Variants in MAX observed in about 807,000 individuals in gnomAD.
The protein encoded by MAX is protein max.
In MAX, 3 loss-of-function variants were observed where a neutral mutation model predicts 22.3. The observed-to-expected ratio is 0.13, with a 90% confidence interval of 0.06 to 0.35. MAX has a LOEUF of 0.35. Among genes scored for constraint, MAX ranks in the 10% least tolerant of loss-of-function variants. MAX has a pLI of 1.00. For missense variants in MAX, 119 were observed against 209.4 expected (o/e 0.57, Z 2.66); for synonymous variants, 72 against 77.7 (o/e 0.93, Z 0.39).
downstream of MAX, among the ~76,000 whole-genome samples, chr14:65,072,509 G>A (rs550984027): frequency 1.4e-3 from 217 of 152,278 alleles, 1 homozygote; most frequent in Non-Finnish European, 2.7e-3. Flanking sequence ...CCCCAACAGC[G>A]TCCTTTTGGT....
chr14:65,061,886 G>A (rs2062871415), intron 3 of MAX: 1 of 154,920 alleles, frequency 6.5e-6, no homozygotes, highest in South Asian at 2.0e-4. Context: ...ATCTCCTTCA[G>A]TTGGGAGTCC....
intron 3 of MAX, among the ~76,000 whole-genome samples, chr14:65,020,935 G>A (rs912115232): frequency 6.6e-6 from 1 of 151,606 alleles, no homozygotes; most frequent in African/African-American, 2.4e-5. Context: ...TCAACATGTT[G>A]GCCAGGCTGG....
rs1312083448 is a variant in MAX at position 65,007,436 on chromosome 14, C to T, written c.172-1152G>A. On this transcript the variant is annotated intron_variant, in intron 3 of 3. Transcript: ENST00000341653. This position sits in a 1 kb window ranked among gnomAD's most constrained non-coding sequence, Gnocchi z 4.9. ...CATGCCCAGGACCACAGACCACGCA[C>T]AGGTCCAGGGATGCCTGTGATGATG... Among the ~76,000 whole-genome samples, 2 of 152,218 alleles carry T rather than the reference C, an allele frequency of 1.3e-5. No homozygotes were observed.
intron 3 of MAX, among the ~76,000 whole-genome samples, chr14:65,013,279 GC>G (rs2061712473): frequency 6.6e-6 from 1 of 151,668 alleles, no homozygotes; most frequent in Non-Finnish European, 1.5e-5. Flanking sequence ...GCCCATTACT[GC>G]CATCTGGGAA....
rs1364538823 is a variant in MAX at position 65,012,714 on chromosome 14, C to A, written c.172-6430G>T. On this transcript the variant is annotated intron_variant, in intron 3 of 3. Coordinates refer to the MAX transcript ENST00000341653. This position sits in a 1 kb window ranked among gnomAD's most constrained non-coding sequence, Gnocchi z 5.0. ...GCCAGTTACCTGTTCACCCTTAACCCTTTGCCCTATAAGCTGATCTAATTT... is the reference window on the plus strand; with the variant it reads ...GCCAGTTACCTGTTCACCCTTAACCATTTGCCCTATAAGCTGATCTAATTT... 1.3e-5 allele frequency among the ~76,000 whole-genome samples: 2 copies of A among 152,216 alleles called. No individual in the cohort carries two copies. The highest frequency in any genetic ancestry group is 2.4e-5 in the African/African-American group (1 of 41,460).
In MAX at chr14:65,027,465, C is replaced by A; in HGVS notation, c.172-21181G>T. On this transcript the variant is annotated intron_variant, in intron 3 of 3. Transcript: ENST00000341653. This position sits in a 1 kb window ranked among gnomAD's most constrained non-coding sequence, Gnocchi z 5.7. ...GCTGTGTACCTAGTGTGTGTCAGTT[C>A]CTGGAGCTGTGTCAGAGCCCAGAAG... 6.2e-7 allele frequency: 1 copy of A among 1,614,132 alleles called. No homozygotes were observed. The highest frequency in any genetic ancestry group is 8.5e-7 in the Non-Finnish European group (1 of 1,180,014).
At position 65,044,448 on chromosome 14, in the gene MAX, G is replaced by A; in HGVS notation, c.172-38164C>T. On this transcript the variant is annotated intron_variant, in intron 3 of 3. Coordinates refer to the MAX transcript ENST00000341653. This position sits in a 1 kb window ranked among gnomAD's most constrained non-coding sequence, Gnocchi z 5.5. Reference sequence around the variant, plus strand: ...ACCGCGCACTGCACGCCCAAGGTGAGCCTGGGGAGCTGTTCACTTGGGGCT... The same window carrying A: ...ACCGCGCACTGCACGCCCAAGGTGAACCTGGGGAGCTGTTCACTTGGGGCT... The A allele has an allele frequency of 6.3e-7, 1 of 1,599,342 alleles. No homozygotes were observed. Among genetic ancestry groups the A allele is most frequent in the Non-Finnish European group, 8.5e-7 (1 of 1,174,790 alleles).
chr14:65,055,858 GA>G (rs1284145438), intron 3 of MAX, among the ~76,000 whole-genome samples: 1 of 152,134 alleles, frequency 6.6e-6, no homozygotes, highest in Non-Finnish European at 1.5e-5. Flanking sequence ...TCAAATGGAA[GA>G]AACACAAATG....
chr14:65,082,903 C>CA lies in MAX; in HGVS notation c.172-4868dup, dbSNP rs1364605269. Among the ~76,000 whole-genome samples the CA allele has an allele frequency of 1.3e-5, 2 of 152,140 alleles. No individual in the cohort carries two copies. The highest frequency in any genetic ancestry group is 2.1e-4 in the South Asian group (1 of 4,828). On this transcript the variant is annotated intron_variant, in intron 3 of 4. Transcript: ENST00000358664. The surrounding 1 kb of genome is among the most constrained non-coding windows in gnomAD (Gnocchi z 4.8). ...AGAAACACATTGAAAGGAAAAGCCT[C>CA]AAGATGCAAGCGAGCTTGAGAGAAC...
intron 3 of MAX, among the ~76,000 whole-genome samples, chr14:65,017,472 C>G (rs1469087944): frequency 1.3e-5 from 2 of 152,032 alleles, no homozygotes; most frequent in Non-Finnish European, 2.9e-5. Flanking sequence ...TGGAAGAACT[C>G]GAGCCAAAAT....
chr14:65,058,580 T>G (rs1359659775), intron 3 of MAX, among the ~76,000 whole-genome samples: 1 of 152,246 alleles, frequency 6.6e-6, no homozygotes, highest in African/African-American at 2.4e-5. Flanking sequence ...TTAAGCATGA[T>G]GTTTACTGTA....
chr14:65,076,071 CGGGCCAGGAGGCCACCTGG>C lies in MAX; in HGVS notation c.*386_*404del. ...TCACAAAGTCTATCAGAGGTGAGGG[CGGGCCAGGAGGCCACCTGG>C]GCAGGGCAGGCGTCCCCCGGGCATG... On this transcript the variant is annotated 3_prime_UTR_variant, in exon 5 of 5. Coordinates refer to ENST00000358664, the MANE Select transcript of MAX (RefSeq NM_002382.5). This position sits in a 1 kb window ranked among gnomAD's most constrained non-coding sequence, Gnocchi z 6.6. 8.2e-7 allele frequency: 1 copy of C among 1,220,904 alleles called. No individual in the cohort carries two copies. Among genetic ancestry groups the C allele is most frequent in the Non-Finnish European group, 1.0e-6 (1 of 976,028 alleles). 75.6% of individuals were successfully genotyped at this position (1,220,904 alleles called of 1,614,324 possible).
intron 2 of MAX, 188 bp from the exon 3 acceptor site, chr14:65,094,003 A>C: frequency 1.5e-6 from 1 of 646,886 alleles, no homozygotes; most frequent in South Asian, 1.6e-5. Flanking sequence ...GAAAGGGGTG[A>C]GCAACGCTTG....
At chr14:65,059,025 TTTC>T (rs1422661483) in intron 3 of MAX, among the ~76,000 whole-genome samples, 1 of 152,166 alleles carries the variant, frequency 6.6e-6, no homozygotes, top group African/African-American at 2.4e-5. Context: ...CTTTTTTCTT[TTTC>T]TTTTCTTTTT....
downstream of MAX, among the ~76,000 whole-genome samples, chr14:65,072,828 C>A (rs1458566453): frequency 6.6e-6 from 1 of 152,246 alleles, no homozygotes; most frequent in African/African-American, 2.4e-5. Context: ...AATGTACCCA[C>A]AGGGGCTGCT....
intron 2 of MAX, among the ~76,000 whole-genome samples, chr14:65,101,139 C>T (rs2063819759): frequency 6.6e-6 from 1 of 152,228 alleles, no homozygotes. Context: ...CATGTGGCTT[C>T]AGCTTCACAC....
rs183328925 is a variant in MAX at position 65,079,079 on chromosome 14, A to T, written c.172-1043T>A. Among the ~76,000 whole-genome samples the T allele has an allele frequency of 4.6e-5, 7 of 152,338 alleles. No homozygotes were observed. In the East Asian group the frequency reaches 1.2e-3, roughly 25 times the overall value. On this transcript the variant is annotated intron_variant, in intron 3 of 4. Coordinates refer to ENST00000358664, the MANE Select transcript of MAX (RefSeq NM_002382.5). The surrounding 1 kb of genome is among the most constrained non-coding windows in gnomAD (Gnocchi z 4.5). ...CTTTAGCTTGGCTATGTCTGGAAAC[A>T]TTAAAATACTACTTAAATGAAAGCT...
At chr14:65,033,684 C>T (rs1040138823) in intron 3 of MAX, among the ~76,000 whole-genome samples, 1 of 152,060 alleles carries the variant, frequency 6.6e-6, no homozygotes, top group Admixed American at 6.6e-5. Flanking sequence ...GGTGACACCC[C>T]GTCTCTACTA....
downstream of MAX, among the ~76,000 whole-genome samples, chr14:65,073,954 C>G (rs2063013648): frequency 6.6e-6 from 1 of 152,222 alleles, no homozygotes; most frequent in South Asian, 2.1e-4. Flanking sequence ...TAAACTCAAT[C>G]CTTTGTCCAG....
Sources: allele counts gnomAD v4.1 joint callset (sites outside exome capture counted in the v4.1 genomes callset), GRCh38; gene constraint gnomAD v4.1.1; non-coding constraint Gnocchi (gnomAD v3.1); transcripts MANE v1.5; gene names NCBI Gene and HGNC (gene_info 2026-07-23, HGNC 2026-07-21).